Variants in ARHGEF2 observed in about 807,000 individuals in gnomAD.
ARHGEF2 encodes the protein Rho/Rac guanine nucleotide exchange factor 2.
ARHGEF2 carries 22 observed loss-of-function variants against 121.0 expected under a neutral mutation model. The ratio of observed to expected loss-of-function variants is 0.18; its 90% CI spans 0.13 to 0.26. ARHGEF2 has a LOEUF of 0.26. Among genes scored for constraint, ARHGEF2 ranks in the 10% least tolerant of loss-of-function variants. ARHGEF2 has a pLI of 1.00. For synonymous variants in ARHGEF2, 487 were observed against 530.0 expected (o/e 0.92, Z 1.11); for missense variants, 907 against 1,336.0 (o/e 0.68, Z 5.01).
chr1:155,973,602 C>T (rs1275865015), intron 1 of ARHGEF2, among the ~76,000 whole-genome samples: 4 of 152,056 alleles, frequency 2.6e-5, no homozygotes, highest in African/African-American at 9.7e-5. Flanking sequence ...AAAAATTGGC[C>T]GGGTATGGTG....
chr1:155,959,483 A>G (rs1349757520), intron 11 of ARHGEF2, among the ~76,000 whole-genome samples: 14 of 151,072 alleles, frequency 9.3e-5, no homozygotes, highest in African/African-American at 3.4e-4. Flanking sequence ...CCTGACCTCA[A>G]GTAATCTGCC....
At chr1:155,964,178 A>ATATATATATATATATG (rs1678784102) in intron 7 of ARHGEF2, among the ~76,000 whole-genome samples, 1 of 101,100 alleles carries the variant, frequency 9.9e-6, no homozygotes, top group African/African-American at 4.3e-5. Flanking sequence ...ATATATATAT[A>ATATATATATATATATG]TATATATATA....
intron 14 of ARHGEF2, among the ~76,000 whole-genome samples, 154 bp downstream of exon 14, chr1:155,954,748 A>G (rs1308090183): frequency 6.6e-6 from 1 of 151,786 alleles, no homozygotes; most frequent in East Asian, 1.9e-4. Flanking sequence ...TACACTTTAC[A>G]TTGTTTTAAA....
chr1:155,966,530 G>T, intron 3 of ARHGEF2, 51 bp from the exon 4 acceptor site: 3 of 1,599,746 alleles, frequency 1.9e-6, no homozygotes, highest in Non-Finnish European at 2.6e-6. Context: ...GTCACCCAAG[G>T]ATCACCCCCA....
At chr1:155,971,168 T>A in intron 1 of ARHGEF2, 1 of 937,962 alleles carries the variant, frequency 1.1e-6, no homozygotes, top group Non-Finnish European at 1.3e-6. Flanking sequence ...AACTCAAACC[T>A]CTAAAATGTT....
chr1:155,972,235 C>T (rs1295751009), intron 1 of ARHGEF2: 1 of 467,664 alleles, frequency 2.1e-6, no homozygotes, highest in Non-Finnish European at 4.4e-6. Flanking sequence ...GCCCTGCCTC[C>T]TCCACCTCCC....
At chr1:155,968,852 T>C in intron 2 of ARHGEF2, 1 of 235,274 alleles carries the variant, frequency 4.3e-6, no homozygotes. Flanking sequence ...TCAGTTCCCC[T>C]AACCCTTAGC....
chr1:155,957,792 G>C lies in ARHGEF2; in HGVS notation c.1636C>G (p.Pro546Ala). 1 of 1,614,226 alleles carries C rather than the reference G, an allele frequency of 6.2e-7. No individual in the cohort carries two copies. Among genetic ancestry groups the C allele is most frequent in the South Asian group, 1.1e-5 (1 of 91,082 alleles). The stretch of plus-strand genomic sequence containing the variant: ...GCTGTGTGCACCTCGTACATCTCAG[G>C]TGGGGCTGCGCTGATCAGAAACATC... ...KGMFLISAAP[P>A]EMYEVHTASR... Residue 546 changes from proline (P) to alanine (A), a missense_variant, in exon 13 of 22, where the codon CCT (proline) becomes GCT (alanine). Around this residue, in one of 2 missense-constraint regions of ARHGEF2, gnomAD observed 475 missense variants for 776.5 expected, o/e 0.61. Coordinates refer to ENST00000361247, the MANE Select transcript of ARHGEF2 (RefSeq NM_001162383.2).
Position 155,962,671 on chromosome 1 carries a change from G to T in ARHGEF2, c.1023C>A (p.Phe341Leu). The change falls in exon 9 of 22, where the codon TTC (phenylalanine) becomes TTA (leucine). Residue 341 changes from phenylalanine to leucine, a missense_variant. This residue lies in a region of ARHGEF2 where 475 missense variants were observed against 776.5 expected (regional missense o/e 0.61). Coordinates refer to ENST00000361247, the MANE Select transcript of ARHGEF2 (RefSeq NM_001162383.2). This position sits in a 1 kb window ranked among gnomAD's most constrained non-coding sequence, Gnocchi z 5.8. ...AEQMCKTYSE[F>L]CSRHSKALKL... Reference sequence around the variant, plus strand: ...TTAAGGCCTTGCTGTGGCGGCTGCAGAACTCCGAGTAGGTCTTACACATCT... The same window carrying T: ...TTAAGGCCTTGCTGTGGCGGCTGCATAACTCCGAGTAGGTCTTACACATCT... The T allele has an allele frequency of 6.2e-7, 1 of 1,614,124 alleles. No homozygotes were observed. Among genetic ancestry groups the T allele is most frequent in the Non-Finnish European group, 8.5e-7 (1 of 1,180,014 alleles).
At chr1:155,970,231 G>T in intron 1 of ARHGEF2, 1 of 985,348 alleles carries the variant, frequency 1.0e-6, no homozygotes, top group Non-Finnish European at 1.2e-6. Context: ...CGCAGATGGC[G>T]CACACCTTCC....
chr1:155,950,728 T>A lies in ARHGEF2; in HGVS notation c.2703+101A>T. On this transcript the variant is annotated intron_variant, in intron 20 of 21. Transcript: ENST00000361247. This position sits in a 1 kb window ranked among gnomAD's most constrained non-coding sequence, Gnocchi z 5.2. Reference sequence around the variant, plus strand: ...CTCAATATCCTTCAAGTCAGTTGACTGATTGCATTTGGGCTCAAATCCCCA... The same window carrying A: ...CTCAATATCCTTCAAGTCAGTTGACAGATTGCATTTGGGCTCAAATCCCCA... 1.6e-6 allele frequency: 2 copies of A among 1,215,262 alleles called. No individual in the cohort carries two copies. The highest frequency in any genetic ancestry group is 2.3e-6 in the Non-Finnish European group (2 of 861,238). 75.3% of individuals were successfully genotyped at this position (1,215,262 alleles called of 1,614,324 possible).
intron 11 of ARHGEF2, among the ~76,000 whole-genome samples, 178 bp from the exon 12 acceptor site, chr1:155,958,574 A>T (rs200080980): frequency 3.8e-4 from 47 of 122,210 alleles, no homozygotes; most frequent in Non-Finnish European, 5.3e-4. Context: ...CACCCATTCT[A>T]TTTTTTTTTT....
At chr1:155,979,442 GAGCC>G (rs1681917437), upstream of ARHGEF2, among the ~76,000 whole-genome samples, 1 of 152,236 alleles carries the variant, frequency 6.6e-6, no homozygotes, top group African/African-American at 2.4e-5. Flanking sequence ...TCCCCAGCCT[GAGCC>G]AGCCTTTGGG....
chr1:155,972,593 G>T (rs969412821), intron 1 of ARHGEF2, among the ~76,000 whole-genome samples: 5 of 151,804 alleles, frequency 3.3e-5, no homozygotes, highest in African/African-American at 1.2e-4. Context: ...CCCAACCTAT[G>T]CACCAAGAAA....
At chr1:155,952,855 T>C (rs746516506) in intron 14 of ARHGEF2, 27 bp from the exon 15 acceptor site, 59 of 1,612,886 alleles carry the variant, frequency 3.7e-5, no homozygotes, top group Non-Finnish European at 5.0e-5. Context: ...AGTGAGGACA[T>C]GAGAGGACGT....
intron 11 of ARHGEF2, among the ~76,000 whole-genome samples, chr1:155,960,299 T>C (rs1376245640): frequency 1.3e-5 from 2 of 151,906 alleles, no homozygotes; most frequent in Non-Finnish European, 2.9e-5. Context: ...CAAGATCTTA[T>C]CTCTACAAAA....
Position 155,958,344 on chromosome 1 carries a change from G to C in ARHGEF2, c.1521C>G (p.Asp507Glu). Residue 507 changes from aspartate (D) to glutamate (E), a missense_variant, in exon 12 of 22, where the codon GAC (aspartate) becomes GAG (glutamate). Asp to Glu is a conservative substitution (Grantham distance 45, BLOSUM62 2). Around this residue, in one of 2 missense-constraint regions of ARHGEF2, gnomAD observed 475 missense variants for 776.5 expected, o/e 0.61. Coordinates refer to ENST00000361247, the MANE Select transcript of ARHGEF2 (RefSeq NM_001162383.2). ...CCAGGGTAGGAAAGATGTACTTCTG[G>C]TCCTTTTCCTGGAGAAACACCAGTA... is the stretch of plus-strand genomic sequence containing the variant. ...TDVLVFLQEKDQKYIFPTLDK... is the reference protein window; with the variant it reads ...TDVLVFLQEKEQKYIFPTLDK... 6.2e-7 allele frequency: 1 copy of C among 1,613,694 alleles called. No homozygotes were observed. The highest frequency in any genetic ancestry group is 8.5e-7 in the Non-Finnish European group (1 of 1,179,670).
At chr1:155,958,178 A>AT in intron 12 of ARHGEF2, 142 bp downstream of exon 12, 1 of 700,456 alleles carries the variant, frequency 1.4e-6, no homozygotes, top group Non-Finnish European at 2.4e-6. Context: ...AGCTGCTCTT[A>AT]TTTTTTATTA....
Position 155,962,693 on chromosome 1 carries a change from A to G in ARHGEF2, c.1001T>C (p.Met334Thr). Residue 334 changes from methionine to threonine, a missense_variant, in exon 9 of 22, where the codon ATG becomes ACG. Physicochemically the swap from Met to Thr is moderately conservative, Grantham distance 81 (BLOSUM62 -1). Around this residue, in one of 2 missense-constraint regions of ARHGEF2, gnomAD observed 475 missense variants for 776.5 expected, o/e 0.61. Coordinates refer to ENST00000361247, the MANE Select transcript of ARHGEF2 (RefSeq NM_001162383.2). The surrounding 1 kb of genome is among the most constrained non-coding windows in gnomAD (Gnocchi z 5.8). ...SQFSGPSAEQMCKTYSEFCSR... is the reference protein window; with the variant it reads ...SQFSGPSAEQTCKTYSEFCSR... ...GCAGAACTCCGAGTAGGTCTTACAC[A>G]TCTGCTCCGCACTAGGACCTGAGAA... 6.2e-7 allele frequency: 1 copy of G among 1,614,120 alleles called. No homozygotes were observed. Among genetic ancestry groups the G allele is most frequent in the Non-Finnish European group, 8.5e-7 (1 of 1,180,028 alleles).
Sources: allele counts gnomAD v4.1 joint callset (sites outside exome capture counted in the v4.1 genomes callset), GRCh38; gene constraint gnomAD v4.1.1; regional missense constraint gnomAD v4.1.1; non-coding constraint Gnocchi (gnomAD v3.1); transcripts MANE v1.5; gene names NCBI Gene and HGNC (gene_info 2026-07-23, HGNC 2026-07-21).